The following EPB41L4A variants were observed in gnomAD, a reference collection of about 807,000 sequenced individuals.
The protein encoded by EPB41L4A is band 4.1-like protein 4A.
EPB41L4A carries 100 observed loss-of-function variants against 108.6 expected under a neutral mutation model. The observed-to-expected ratio is 0.92, with a 90% CI of 0.78 to 1.09. EPB41L4A has a LOEUF of 1.09. Among genes scored for constraint, EPB41L4A ranks in the 50% least tolerant of loss-of-function variants. The probability of loss-of-function intolerance (pLI) is 0.00; values close to 1 mark genes in which losing one functional copy is unlikely to be tolerated. For synonymous variants in EPB41L4A, 319 were observed against 289.0 expected (o/e 1.10, Z -1.05); for missense variants, 1,030 against 842.7 (o/e 1.22, Z -2.75).
At chr5:112,392,401 CAAAAA>C (rs56256606) in intron 1 of EPB41L4A, among the ~76,000 whole-genome samples, 1 of 35,922 alleles carries the variant, frequency 2.8e-5, no homozygotes, top group Non-Finnish European at 4.7e-5. Flanking sequence ...AAATGGAAAG[CAAAAA>C]AAAAAAAAAA....
intron 1 of EPB41L4A, among the ~76,000 whole-genome samples, chr5:112,395,199 T>C (rs1249591876): frequency 6.6e-6 from 1 of 152,094 alleles, no homozygotes; most frequent in Non-Finnish European, 1.5e-5. Flanking sequence ...GGATTTCATG[T>C]CTAAAACACC....
intron 6 of EPB41L4A, chr5:112,263,423 C>G (rs919232124): frequency 1.3e-5 from 2 of 152,200 alleles, no homozygotes; most frequent in Non-Finnish European, 2.9e-5. Flanking sequence ...ATTAGACACA[C>G]CACACTTTGA....
intron 12 of EPB41L4A, among the ~76,000 whole-genome samples, chr5:112,233,520 C>T (rs1749106915): frequency 6.6e-6 from 1 of 152,008 alleles, no homozygotes; most frequent in Admixed American, 6.5e-5. Context: ...AACAAAGAAC[C>T]AACTGGATTC....
intron 12 of EPB41L4A, among the ~76,000 whole-genome samples, chr5:112,232,089 G>A (rs919403732): frequency 2.0e-5 from 3 of 150,726 alleles, no homozygotes; most frequent in African/African-American, 7.3e-5. Flanking sequence ...ATTCCAGACT[G>A]GGTGACAAGG....
Position 112,346,024 on chromosome 5 carries a change from G to T in EPB41L4A, c.100-38534C>A, listed in dbSNP as rs562471514. Among the ~76,000 whole-genome samples, 3 of 151,912 alleles carry T rather than the reference G, an allele frequency of 2.0e-5. No homozygotes were observed. The East Asian group carries it at 5.8e-4, about 29-fold the overall frequency. ...GGACAAGGCAGATCAATGCATTAATGTAATAGTCTTAGATTACTAGAAAGA... is the reference window on the plus strand; with the variant it reads ...GGACAAGGCAGATCAATGCATTAATTTAATAGTCTTAGATTACTAGAAAGA... On this transcript the variant is annotated intron_variant, in intron 1 of 22. Coordinates refer to ENST00000261486, the MANE Select transcript of EPB41L4A (RefSeq NM_022140.5).
intron 2 of EPB41L4A, among the ~76,000 whole-genome samples, chr5:112,283,510 C>T (rs754387082): frequency 1.8e-4 from 27 of 152,098 alleles, no homozygotes; most frequent in South Asian, 4.1e-4. Flanking sequence ...AACACAGCAG[C>T]CTGTTACTCT....
At chr5:112,265,811 A>C (rs1404582285) in intron 5 of EPB41L4A, among the ~76,000 whole-genome samples, 1 of 152,208 alleles carries the variant, frequency 6.6e-6, no homozygotes, top group African/African-American at 2.4e-5. Context: ...CACTGAGCTC[A>C]ACACCCATGC....
chr5:112,224,629 G>C (rs1748326762), intron 12 of EPB41L4A, among the ~76,000 whole-genome samples: 1 of 152,070 alleles, frequency 6.6e-6, no homozygotes, highest in Non-Finnish European at 1.5e-5. Flanking sequence ...ACTCAAATCA[G>C]GTACAACTTT....
Position 112,164,873 on chromosome 5 carries a change from C to A in EPB41L4A, c.*117G>T. The A allele has an allele frequency of 1.4e-5, 14 of 985,882 alleles. No individual in the cohort carries two copies. Among genetic ancestry groups the A allele is most frequent in the Middle Eastern group, 2.3e-4 (1 of 4,338 alleles). The allele number at this position is 985,882 out of a possible 1,614,324, so 61.1% of individuals were successfully genotyped here. A position where few individuals can be genotyped will look rare whatever the true frequency, so the allele number is the denominator to read the frequency against. On this transcript the variant is annotated 3_prime_UTR_variant, in exon 23 of 23. Coordinates refer to ENST00000261486, the MANE Select transcript of EPB41L4A (RefSeq NM_022140.5). Reference sequence around the variant, plus strand: ...AGAAGCAAAAGATAATGTATTTTCTCATGCTGAAGAAATACTTGCAGGTCT... The same window carrying A: ...AGAAGCAAAAGATAATGTATTTTCTAATGCTGAAGAAATACTTGCAGGTCT...
intron 2 of EPB41L4A, among the ~76,000 whole-genome samples, chr5:112,303,634 G>T (rs1290135004): frequency 6.6e-6 from 1 of 152,140 alleles, no homozygotes; most frequent in Non-Finnish European, 1.5e-5. Context: ...TCAAGAATGG[G>T]CAAGTTGTTA....
At chr5:112,371,958 A>C (rs1759523886) in intron 1 of EPB41L4A, among the ~76,000 whole-genome samples, 1 of 152,150 alleles carries the variant, frequency 6.6e-6, no homozygotes, top group Admixed American at 6.5e-5. Flanking sequence ...AGCAGGCTAA[A>C]ATAGTAGGAT....
At chr5:112,223,314 C>T (rs1748206459) in intron 12 of EPB41L4A, among the ~76,000 whole-genome samples, 1 of 152,054 alleles carries the variant, frequency 6.6e-6, no homozygotes, top group Admixed American at 6.6e-5. Flanking sequence ...ACTCTGAGAA[C>T]CCCCAAAATC....
intron 2 of EPB41L4A, among the ~76,000 whole-genome samples, chr5:112,301,721 A>C: frequency 6.6e-6 from 1 of 152,130 alleles, no homozygotes; most frequent in East Asian, 1.9e-4. Context: ...CCTGTCTGTC[A>C]ATTTCCATAG....
chr5:112,241,187 T>A (rs1580507743), intron 9 of EPB41L4A, among the ~76,000 whole-genome samples: 2 of 152,154 alleles, frequency 1.3e-5, no homozygotes, highest in East Asian at 3.9e-4. Flanking sequence ...ACAAATCCAG[T>A]CCTTAAGTGT....
chr5:112,286,144 T>C lies in EPB41L4A; in HGVS notation c.205-5821A>G, dbSNP rs79565078. On this transcript the variant is annotated intron_variant, in intron 2 of 22. Coordinates refer to ENST00000261486, the MANE Select transcript of EPB41L4A (RefSeq NM_022140.5). ...ATTCATTGACCCTACTACCTTTTCA[T>C]TGTCCCTCGCTGATGCCCCCAACCA... Among the ~76,000 whole-genome samples the C allele has an allele frequency of 3.1e-4, 47 of 152,200 alleles. No homozygotes were observed. The East Asian group carries it at 8.5e-3, about 27-fold the overall frequency.
intron 3 of EPB41L4A, among the ~76,000 whole-genome samples, chr5:112,278,454 G>T (rs1241686283): frequency 1.3e-5 from 2 of 151,820 alleles, no homozygotes; most frequent in African/African-American, 4.8e-5. Flanking sequence ...GCTTCACCAT[G>T]TTGGCCAGGC....
At chr5:112,152,761 C>T (rs964074608) in intron 12 of EPB41L4A, among the ~76,000 whole-genome samples, 2 of 151,900 alleles carry the variant, frequency 1.3e-5, no homozygotes, top group Non-Finnish European at 2.9e-5. Flanking sequence ...AAAGATAAAG[C>T]ACACTAATAC....
At chr5:112,206,302 G>C (rs1355429174) in intron 13 of EPB41L4A, among the ~76,000 whole-genome samples, 1 of 151,784 alleles carries the variant, frequency 6.6e-6, no homozygotes, top group Non-Finnish European at 1.5e-5. Context: ...TCCTAGGATA[G>C]GGTCATAGAG....
At chr5:112,188,398 T>C (rs4958010) in intron 17 of EPB41L4A, among the ~76,000 whole-genome samples, 110,686 of 151,952 alleles carry the variant, frequency 0.73, 40,752 homozygotes, top group East Asian at 1. Flanking sequence ...ATTCCTTACG[T>C]GCCCACTACT....
Sources: gnomAD v4.1 joint callset for allele counts (sites outside exome capture counted in the v4.1 genomes callset) on GRCh38, gnomAD v4.1.1 for gene constraint, MANE v1.5 for transcripts, NCBI Gene and HGNC (gene_info 2026-07-23, HGNC 2026-07-21) for gene names.